Variants in ADAMTS6 observed in about 807,000 individuals in gnomAD.
The protein encoded by ADAMTS6 is A disintegrin and metalloproteinase with thrombospondin motifs 6.
In ADAMTS6, 23 loss-of-function variants were observed where a neutral mutation model predicts 144.3. The ratio of observed to expected loss-of-function variants is 0.16; its 90% CI spans 0.11 to 0.23. The LOEUF is 0.23. Ranked by LOEUF, ADAMTS6 falls within the 10% of genes least tolerant of loss-of-function variation. ADAMTS6 has a pLI of 1.00. For missense variants in ADAMTS6, 999 were observed against 1,379.6 expected, an observed-to-expected ratio of 0.72 and a Z score of 4.37; for synonymous variants, 444 against 457.5, an observed-to-expected ratio of 0.97 and a Z score of 0.38.
At chr5:65,175,440 A>T (rs1365745824) in intron 22 of ADAMTS6, among the ~76,000 whole-genome samples, 1 of 152,296 alleles carries the variant, frequency 6.6e-6, no homozygotes. Context: ...AGCCAAGGTA[A>T]ATTTAAAACC....
chr5:65,451,756 G>A (rs1267862775), intron 6 of ADAMTS6, 136 bp from the exon 7 acceptor site: 3 of 1,010,660 alleles, frequency 3.0e-6, no homozygotes, highest in Non-Finnish European at 4.3e-6. Context: ...TTTTATCTCT[G>A]TAATATCTGA....
At chr5:65,403,191 T>C (rs764608157) in intron 7 of ADAMTS6, among the ~76,000 whole-genome samples, 8 of 151,986 alleles carry the variant, frequency 5.3e-5, no homozygotes, top group Middle Eastern at 3.4e-3. Context: ...GTGATTCTCT[T>C]TCTATCTAAC....
At chr5:65,334,549 G>A (rs1429315134) in intron 7 of ADAMTS6, among the ~76,000 whole-genome samples, 1 of 152,046 alleles carries the variant, frequency 6.6e-6, no homozygotes, top group Non-Finnish European at 1.5e-5. Flanking sequence ...TCTAGCACAG[G>A]TTCTTGTTAA....
chr5:65,175,858 C>T (rs1753943080), intron 22 of ADAMTS6, among the ~76,000 whole-genome samples: 3 of 132,208 alleles, frequency 2.3e-5, no homozygotes, highest in Non-Finnish European at 3.3e-5. Flanking sequence ...ATGGTTCCTC[C>T]CAGGTAATTG....
At chr5:65,297,007 A>G (rs745725674) in intron 10 of ADAMTS6, 1 of 289,442 alleles carries the variant, frequency 3.5e-6, no homozygotes, top group Non-Finnish European at 6.8e-6. Flanking sequence ...AAATTGGTCC[A>G]TAGTCATCAA....
At chr5:65,290,723 A>G (rs961809147) in intron 11 of ADAMTS6, among the ~76,000 whole-genome samples, 7 of 152,176 alleles carry the variant, frequency 4.6e-5, no homozygotes, top group Non-Finnish European at 1.0e-4. Context: ...CTTAAAAAGA[A>G]TTTTATTCAT....
At chr5:65,182,235 A>C (rs1475644700) in intron 22 of ADAMTS6, among the ~76,000 whole-genome samples, 5 of 152,066 alleles carry the variant, frequency 3.3e-5, no homozygotes, top group Non-Finnish European at 5.9e-5. Flanking sequence ...TCATGAGGTC[A>C]GGAGTTTGAG....
Position 65,426,999 on chromosome 5 carries a change from T to C in ADAMTS6, c.1073+24476A>G, listed in dbSNP as rs1216705198. Among the ~76,000 whole-genome samples, 5 of 152,142 alleles carry C rather than the reference T, an allele frequency of 3.3e-5. No individual in the cohort carries two copies. The East Asian group carries it at 5.8e-4, about 18-fold the overall frequency. Reference sequence around the variant, plus strand: ...CAGAACAAACTTTACAGCTGAAAGATTGAGGTTGTCAAAAAGGATGAAGAA... The same window carrying C: ...CAGAACAAACTTTACAGCTGAAAGACTGAGGTTGTCAAAAAGGATGAAGAA... On this transcript the variant is annotated intron_variant, in intron 7 of 24. Transcript: ENST00000381055.
At chr5:65,195,729 G>T (rs1755301692) in intron 21 of ADAMTS6, among the ~76,000 whole-genome samples, 1 of 152,214 alleles carries the variant, frequency 6.6e-6, no homozygotes. Context: ...CTCTCCAGTT[G>T]TAGAGAGTTT....
intron 1 of ADAMTS6, among the ~76,000 whole-genome samples, chr5:65,480,558 C>A (rs1225715081): frequency 2.0e-5 from 3 of 152,324 alleles, no homozygotes; most frequent in Non-Finnish European, 4.4e-5. Flanking sequence ...CTTTCTCAAT[C>A]TCTCGCTCAC....
intron 12 of ADAMTS6, among the ~76,000 whole-genome samples, chr5:65,266,666 G>C (rs1435845157): frequency 8.6e-5 from 13 of 151,836 alleles, no homozygotes; most frequent in Non-Finnish European, 3.0e-5. Flanking sequence ...TTTAGTTCTT[G>C]ATTCCAATAT....
chr5:65,256,985 C>CTCTCTCTCT (rs765554792), intron 14 of ADAMTS6, among the ~76,000 whole-genome samples: 3 of 88,678 alleles, frequency 3.4e-5, no homozygotes, highest in African/African-American at 1.7e-4. Context: ...CTCTCTCTCT[C>CTCTCTCTCT]TTTTTTTTTT....
chr5:65,357,363 C>T (rs1749414737), intron 7 of ADAMTS6, among the ~76,000 whole-genome samples: 1 of 151,480 alleles, frequency 6.6e-6, no homozygotes, highest in Non-Finnish European at 1.5e-5. Flanking sequence ...GATGCACACT[C>T]TTACATTTGT....
intron 7 of ADAMTS6, 199 bp downstream of exon 7, chr5:65,451,276 T>C: frequency 2.0e-6 from 1 of 499,900 alleles, no homozygotes; most frequent in Non-Finnish European, 3.4e-6. Flanking sequence ...CAAATCTTAA[T>C]ATTTTCTTTT....
chr5:65,262,715 G>A, intron 13 of ADAMTS6, 102 bp downstream of exon 13: 1 of 1,343,606 alleles, frequency 7.4e-7, no homozygotes, highest in Admixed American at 3.4e-5. Context: ...CAAGTACTTG[G>A]CTCACTAGCG....
At chr5:65,416,901 C>T (rs527711652) in intron 7 of ADAMTS6, among the ~76,000 whole-genome samples, 1 of 151,924 alleles carries the variant, frequency 6.6e-6, no homozygotes, top group South Asian at 2.1e-4. Context: ...ACTGTAATAC[C>T]AAAACCTGGT....
At chr5:65,219,858 G>A (rs1757188041) in intron 18 of ADAMTS6, among the ~76,000 whole-genome samples, 1 of 152,168 alleles carries the variant, frequency 6.6e-6, no homozygotes, top group African/African-American at 2.4e-5. Flanking sequence ...TATTGGGTTG[G>A]TGCAAAAGTA....
chr5:65,323,986 T>G (rs1053972000), intron 9 of ADAMTS6, among the ~76,000 whole-genome samples: 1 of 152,164 alleles, frequency 6.6e-6, no homozygotes, highest in Non-Finnish European at 1.5e-5. Flanking sequence ...TCTTGTAAAT[T>G]TGTTTGAGTT....
rs143949253 is a variant in ADAMTS6, at chr5:65,452,626, A to T, written c.843+81T>A. 910 of 1,457,522 alleles carry T rather than the reference A, an allele frequency of 6.2e-4. 4 individuals are homozygous for T. The African/African-American group carries it at 0.011, about 18-fold the overall frequency. 90.3% of individuals were successfully genotyped at this position (1,457,522 alleles called of 1,614,324 possible). ...GACAGGTAAATTCTTATCATTATTTACTTCACAGCAAAAATTTATGACCTT... is the reference window on the plus strand; with the variant it reads ...GACAGGTAAATTCTTATCATTATTTTCTTCACAGCAAAAATTTATGACCTT... On this transcript the variant is annotated intron_variant, in intron 5 of 24. Transcript: ENST00000381055.
Sources: allele counts gnomAD v4.1 joint callset (sites outside exome capture counted in the v4.1 genomes callset), GRCh38; gene constraint gnomAD v4.1.1; transcripts MANE v1.5; gene names NCBI Gene and HGNC (gene_info 2026-07-23, HGNC 2026-07-21).